ROCK2: variants seen among roughly 807,000 people sequenced by gnomAD.
ROCK2 encodes the protein Rho associated coiled-coil containing protein kinase 2, also known as rho-associated protein kinase 2.
Under a neutral mutation model 195.1 loss-of-function variants are expected in ROCK2, and 61 were observed. The ratio of observed to expected loss-of-function variants is 0.31; its 90% CI spans 0.25 to 0.39. The LOEUF is 0.39. ROCK2 is among the 10% of genes least tolerant of loss of function. The probability of loss-of-function intolerance (pLI) is 1.00; values close to 1 mark genes in which losing one functional copy is unlikely to be tolerated. For missense variants in ROCK2, 1,109 were observed against 1,637.4 expected (o/e 0.68, Z 5.57); for synonymous variants, 504 against 545.5 (o/e 0.92, Z 1.06).
intron 1 of ROCK2, among the ~76,000 whole-genome samples, chr2:11,296,902 T>C (rs1410529213): frequency 1.3e-5 from 2 of 152,134 alleles, no homozygotes; most frequent in Non-Finnish European, 2.9e-5. Context: ...TGTACTTATG[T>C]TTTAATCAAT....
At chr2:11,207,367 A>C (rs990433553) in intron 20 of ROCK2, among the ~76,000 whole-genome samples, 3 of 152,262 alleles carry the variant, frequency 2.0e-5, no homozygotes, top group South Asian at 4.1e-4. Flanking sequence ...TTTAACAGTC[A>C]AACATTTCCA....
intron 3 of ROCK2, among the ~76,000 whole-genome samples, chr2:11,263,255 G>A (rs912627176): frequency 3.3e-5 from 5 of 152,146 alleles, no homozygotes; most frequent in African/African-American, 1.2e-4. Context: ...GAAGCAATAA[G>A]CCCAGTGATC....
intron 1 of ROCK2, among the ~76,000 whole-genome samples, chr2:11,342,231 C>A (rs1669129262): frequency 6.6e-6 from 1 of 152,186 alleles, no homozygotes; most frequent in African/African-American, 2.4e-5. Context: ...GTCAAGTCAT[C>A]AGCACCTGAT....
At chr2:11,333,863 TAAG>T (rs1430526103) in intron 1 of ROCK2, among the ~76,000 whole-genome samples, 2 of 152,124 alleles carry the variant, frequency 1.3e-5, no homozygotes, top group African/African-American at 4.8e-5. Context: ...AGAAAAAAGT[TAAG>T]GAGAAGGGGG....
chr2:11,251,701 G>T (rs372223004), intron 3 of ROCK2, among the ~76,000 whole-genome samples: 1 of 152,090 alleles, frequency 6.6e-6, no homozygotes, highest in East Asian at 1.9e-4. Flanking sequence ...CACAACAAAA[G>T]AAACTATCAT....
At chr2:11,229,662 A>G (rs1664935339) in intron 5 of ROCK2, among the ~76,000 whole-genome samples, 4 of 152,100 alleles carry the variant, frequency 2.6e-5, no homozygotes, top group Admixed American at 2.6e-4. Context: ...TTATAAACAA[A>G]TAATATAACC....
intron 3 of ROCK2, among the ~76,000 whole-genome samples, chr2:11,252,367 C>G (rs914303114): frequency 6.6e-6 from 1 of 150,720 alleles, no homozygotes; most frequent in African/African-American, 2.4e-5. Context: ...GCCAAGATCA[C>G]GCCATTGCAC....
intron 5 of ROCK2, among the ~76,000 whole-genome samples, chr2:11,230,170 CA>C (rs1424063508): frequency 6.6e-6 from 1 of 152,124 alleles, no homozygotes; most frequent in Non-Finnish European, 1.5e-5. Flanking sequence ...GCACATCTAG[CA>C]CCCAATTATT....
chr2:11,337,417 T>C (rs898077605), intron 1 of ROCK2, among the ~76,000 whole-genome samples: 3 of 152,164 alleles, frequency 2.0e-5, no homozygotes, highest in African/African-American at 7.2e-5. Flanking sequence ...AATGGAGGTA[T>C]GTTGCTTCAA....
chr2:11,273,166 C>CTGTTA (rs1666706583), intron 3 of ROCK2, among the ~76,000 whole-genome samples: 9 of 141,310 alleles, frequency 6.4e-5, no homozygotes, highest in Non-Finnish European at 9.2e-5. Context: ...ATAAATTCTT[C>CTGTTA]TTCCCAGTAA....
At chr2:11,337,577 T>C (rs72789547) in intron 1 of ROCK2, among the ~76,000 whole-genome samples, 6,466 of 152,014 alleles carry the variant, frequency 0.043, 279 homozygotes, top group Non-Finnish European at 0.06. Flanking sequence ...GGAACTCTCA[T>C]ATACTGTTGG....
Position 11,192,537 on chromosome 2 carries a change from G to A in ROCK2, c.3863C>T (p.Pro1288Leu). 6.2e-7 allele frequency: 1 copy of A among 1,614,102 alleles called. No individual in the cohort carries two copies. Among genetic ancestry groups the A allele is most frequent in the Non-Finnish European group, 8.5e-7 (1 of 1,179,992 alleles). Residue 1288 changes from proline to leucine, a missense_variant, in exon 31 of 33, where the codon CCT becomes CTT. By Grantham distance (98) the Pro-to-Leu change is moderately conservative. Transcript: ENST00000315872. This position sits in a 1 kb window ranked among gnomAD's most constrained non-coding sequence, Gnocchi z 5.0. Reference protein sequence around the residue: ...MKPLWHMFKPPPALECRRCHI... With the variant: ...MKPLWHMFKPLPALECRRCHI... ...GCAACGGCGGCACTCCAAAGCAGGA[G>A]GAGGCTTAAACATGTGCCACAGGGG... is the stretch of plus-strand genomic sequence containing the variant.
At chr2:11,190,663 A>C (rs1011650770) in intron 32 of ROCK2, among the ~76,000 whole-genome samples, 2 of 152,210 alleles carry the variant, frequency 1.3e-5, no homozygotes, top group South Asian at 4.1e-4. Flanking sequence ...CAAATATAAC[A>C]ATACCTATTC....
chr2:11,329,030 C>T (rs1005977311), intron 1 of ROCK2, among the ~76,000 whole-genome samples: 2 of 151,194 alleles, frequency 1.3e-5, no homozygotes, highest in East Asian at 1.9e-4. Context: ...AACTAACCTG[C>T]ACACTGTGCA....
At chr2:11,313,542 AG>A (rs1363368696) in intron 1 of ROCK2, among the ~76,000 whole-genome samples, 1 of 151,648 alleles carries the variant, frequency 6.6e-6, no homozygotes, top group Non-Finnish European at 1.5e-5. Flanking sequence ...TTGATATTTG[AG>A]GTTTTATGGT....
At chr2:11,284,871 T>C (rs1203186807) in intron 3 of ROCK2, among the ~76,000 whole-genome samples, 1 of 152,244 alleles carries the variant, frequency 6.6e-6, no homozygotes, top group Admixed American at 6.5e-5. Flanking sequence ...TTCTGAATTT[T>C]GGCTCATCAC....
At chr2:11,319,327 G>C (rs560983527) in intron 1 of ROCK2, among the ~76,000 whole-genome samples, 1 of 152,236 alleles carries the variant, frequency 6.6e-6, no homozygotes, top group South Asian at 2.1e-4. Flanking sequence ...CACATCCCTT[G>C]TAAGTTGGAT....
At position 11,235,725 on chromosome 2, in the gene ROCK2, CA is replaced by C; in HGVS notation, c.699del (p.Phe233LeufsTer5). 1 of 1,611,844 alleles carries C rather than the reference CA, an allele frequency of 6.2e-7. No homozygotes were observed. Among genetic ancestry groups the C allele is most frequent in the Admixed American group, 1.7e-5 (1 of 59,652 alleles). On this transcript the variant is annotated frameshift_variant, in exon 5 of 33. Coordinates refer to ENST00000315872, the MANE Select transcript of ROCK2 (RefSeq NM_004850.5). LOFTEE classifies it high-confidence loss of function. The surrounding 1 kb of genome is among the most constrained non-coding windows in gnomAD (Gnocchi z 4.2). ...DKHGHLKLAD[F>X]GTCMKMDETG... The stretch of plus-strand genomic sequence containing the variant: ...ACTTCATCCATCTTCATACACGTGC[CA>C]AAATCTGCTAATTTTAGATGTCCAT...
chr2:11,232,108 G>T (rs1002007510), intron 5 of ROCK2, among the ~76,000 whole-genome samples: 4 of 150,808 alleles, frequency 2.7e-5, no homozygotes, highest in African/African-American at 9.7e-5. Flanking sequence ...GTAAGTGGAT[G>T]AGAATAAAAC....
Sources: allele counts gnomAD v4.1 joint callset (sites outside exome capture counted in the v4.1 genomes callset), GRCh38; gene constraint gnomAD v4.1.1; non-coding constraint Gnocchi (gnomAD v3.1); transcripts MANE v1.5; gene names NCBI Gene and HGNC (gene_info 2026-07-23, HGNC 2026-07-21).